Variants in ATP2B4 observed in about 807,000 individuals in gnomAD.
The protein encoded by ATP2B4 is ATPase plasma membrane Ca2+ transporting 4.
In ATP2B4, 39 loss-of-function variants were observed where a neutral mutation model predicts 110.3. The observed-to-expected ratio is 0.35, with a 90% CI of 0.27 to 0.46. ATP2B4 has a LOEUF of 0.46. Ranked by LOEUF, ATP2B4 falls within the 20% of genes least tolerant of loss-of-function variation. ATP2B4 has a pLI of 1.00. For synonymous variants in ATP2B4, 538 were observed against 571.7 expected, an observed-to-expected ratio of 0.94 and a Z score of 0.84; for missense variants, 1,135 against 1,530.9, an observed-to-expected ratio of 0.74 and a Z score of 4.32.
intron 1 of ATP2B4, among the ~76,000 whole-genome samples, chr1:203,653,986 T>TATATATATATA (rs1491484876): frequency 1.5e-5 from 1 of 68,674 alleles, no homozygotes; most frequent in African/African-American, 6.8e-5. Context: ...TATATATATA[T>TATATATATATA]TTTTTTTTTT....
chr1:203,677,372 T>C (rs1374219846), intron 1 of ATP2B4, among the ~76,000 whole-genome samples: 2 of 152,086 alleles, frequency 1.3e-5, no homozygotes, highest in African/African-American at 4.8e-5. Flanking sequence ...TGTTCCTGAG[T>C]ATAGGGAGAA....
At chr1:203,631,956 G>A (rs1478668284) in intron 1 of ATP2B4, among the ~76,000 whole-genome samples, 3 of 151,944 alleles carry the variant, frequency 2.0e-5, no homozygotes, top group East Asian at 1.9e-4. Context: ...CACCACACCG[G>A]CTAATTTTTT....
At position 203,734,527 on chromosome 1, in the gene ATP2B4, C is replaced by T. The variant is rs757926158; in HGVS notation, c.3310-5019C>T. Among the ~76,000 whole-genome samples, 189 of 150,774 alleles carry T rather than the reference C, an allele frequency of 1.3e-3. 1 individual carries two copies. The highest frequency in any genetic ancestry group is 2.3e-3 in the Non-Finnish European group (156 of 67,642). ...TTCAAGACCTGCCTGGCCAACATGG[C>T]GAAACCCTGTCTCTACAAAAATACA... On this transcript the variant is annotated intron_variant, in intron 20 of 20. Coordinates refer to ENST00000357681, the MANE Select transcript of ATP2B4 (RefSeq NM_001684.5).
intron 1 of ATP2B4, among the ~76,000 whole-genome samples, chr1:203,643,705 C>A (rs904115665): frequency 6.6e-6 from 1 of 152,156 alleles, no homozygotes; most frequent in Admixed American, 6.5e-5. Context: ...GGATGGCATC[C>A]AATGATGGGA....
In ATP2B4 at chr1:203,700,791, C is replaced by A. The variant is rs372733075; in HGVS notation, c.776-7C>A. On this transcript the variant is annotated splice_polypyrimidine_tract_variant and splice_region_variant and intron_variant, in intron 5 of 20. Coordinates refer to ENST00000357681, the MANE Select transcript of ATP2B4 (RefSeq NM_001684.5). ...CATTCCTTCCCATCTTCTCCTTTCCCGTGTAGGGACCCATGTCATGGAAGG... is the reference window on the plus strand; with the variant it reads ...CATTCCTTCCCATCTTCTCCTTTCCAGTGTAGGGACCCATGTCATGGAAGG... 1 of 1,613,138 alleles carries A rather than the reference C, an allele frequency of 6.2e-7. No individual in the cohort carries two copies. Among genetic ancestry groups the A allele is most frequent in the South Asian group, 1.1e-5 (1 of 91,018 alleles).
intron 2 of ATP2B4, among the ~76,000 whole-genome samples, chr1:203,690,897 C>T (rs1478068512): frequency 6.6e-6 from 1 of 152,170 alleles, no homozygotes; most frequent in Non-Finnish European, 1.5e-5. Context: ...CCTCCCCATC[C>T]CCCACCACAG....
At chr1:203,671,499 C>T (rs12031889) in intron 1 of ATP2B4, among the ~76,000 whole-genome samples, 87,679 of 152,060 alleles carry the variant, frequency 0.58, 28,833 homozygotes, top group Middle Eastern at 0.76. Flanking sequence ...CCTTATTTCT[C>T]TTCTTCTTTG....
chr1:203,718,237 G>A (rs1213776942), intron 15 of ATP2B4, among the ~76,000 whole-genome samples: 2 of 151,550 alleles, frequency 1.3e-5, no homozygotes, highest in African/African-American at 4.8e-5. Context: ...AATTATAGAT[G>A]TCTAACTTCC....
chr1:203,631,223 G>A (rs938410929), intron 1 of ATP2B4, among the ~76,000 whole-genome samples: 1 of 152,220 alleles, frequency 6.6e-6, no homozygotes, highest in African/African-American at 2.4e-5. Flanking sequence ...GGAAAGGATT[G>A]AGAACATAGG....
At chr1:203,664,382 G>C (rs1416777720) in intron 1 of ATP2B4, among the ~76,000 whole-genome samples, 1 of 152,120 alleles carries the variant, frequency 6.6e-6, no homozygotes, top group African/African-American at 2.4e-5. Flanking sequence ...TCTGACAGAG[G>C]GGCAGGAGCA....
At chr1:203,664,020 A>G (rs1170202614) in intron 1 of ATP2B4, among the ~76,000 whole-genome samples, 1 of 152,184 alleles carries the variant, frequency 6.6e-6, no homozygotes. Context: ...TTAAGACCAT[A>G]TGCTCTAAAA....
chr1:203,694,015 G>A (rs903093219), intron 2 of ATP2B4, among the ~76,000 whole-genome samples: 1 of 152,068 alleles, frequency 6.6e-6, no homozygotes, highest in Non-Finnish European at 1.5e-5. Context: ...CACTTAATAA[G>A]CTCAAGTAGT....
chr1:203,674,436 T>A (rs993958784), intron 1 of ATP2B4, among the ~76,000 whole-genome samples: 2 of 152,044 alleles, frequency 1.3e-5, no homozygotes, highest in Non-Finnish European at 2.9e-5. Flanking sequence ...AGAGGTTGGC[T>A]TTCCCAAGGC....
chr1:203,726,303 A>G (rs1248341304), intron 19 of ATP2B4, among the ~76,000 whole-genome samples: 1 of 152,096 alleles, frequency 6.6e-6, no homozygotes, highest in Non-Finnish European at 1.5e-5. Flanking sequence ...CCTGGGCTCA[A>G]GCAATCCTCC....
chr1:203,726,804 G>C (rs894306247), intron 19 of ATP2B4, among the ~76,000 whole-genome samples: 2 of 152,066 alleles, frequency 1.3e-5, no homozygotes, highest in Admixed American at 1.3e-4. Flanking sequence ...ATACTCATGT[G>C]ACCCCTCTTC....
At chr1:203,705,621 G>C (rs1025725520) in intron 8 of ATP2B4, among the ~76,000 whole-genome samples, 2 of 152,128 alleles carry the variant, frequency 1.3e-5, no homozygotes, top group Non-Finnish European at 2.9e-5. Context: ...CAAGTGATCT[G>C]CCCCTGGACT....
At chr1:203,669,100 A>G (rs12046925) in intron 1 of ATP2B4, among the ~76,000 whole-genome samples, 140,496 of 152,228 alleles carry the variant, frequency 0.92, 65,557 homozygotes, top group Non-Finnish European at 0.99. Context: ...CCATCCCACC[A>G]TTCTTCCAGG....
intron 18 of ATP2B4, 88 bp from the exon 19 acceptor site, chr1:203,723,793 G>A: frequency 9.9e-7 from 1 of 1,006,958 alleles, no homozygotes; most frequent in Non-Finnish European, 1.5e-6. Context: ...TGAGGAGTGG[G>A]ATGATGTGGC....
chr1:203,734,688 A>G (rs985336059), intron 20 of ATP2B4, among the ~76,000 whole-genome samples: 1 of 143,692 alleles, frequency 7.0e-6, no homozygotes, highest in African/African-American at 2.6e-5. Context: ...CCTGGGCTAC[A>G]GAGTGAGACT....
Sources: allele counts gnomAD v4.1 joint callset (sites outside exome capture counted in the v4.1 genomes callset), GRCh38; gene constraint gnomAD v4.1.1; transcripts MANE v1.5; gene names NCBI Gene and HGNC (gene_info 2026-07-23, HGNC 2026-07-21).